Variants in KCNT2 observed in about 807,000 individuals in gnomAD.
KCNT2 encodes potassium channel subfamily T member 2.
Under a neutral mutation model 153.8 loss-of-function variants are expected in KCNT2, and 67 were observed. The ratio of observed to expected loss-of-function variants is 0.44; its 90% confidence interval spans 0.36 to 0.53. The LOEUF (loss-of-function observed/expected upper bound fraction) is 0.53, where lower values mean the gene tolerates loss of function less well. Ranked by LOEUF, KCNT2 falls within the 20% of genes least tolerant of loss-of-function variation. The probability of loss-of-function intolerance (pLI) is 0.00; values close to 1 mark genes in which losing one functional copy is unlikely to be tolerated. For synonymous variants in KCNT2, 500 were observed against 458.8 expected, an observed-to-expected ratio of 1.09 and a Z score of -1.15; for missense variants, 975 against 1,354.8, an observed-to-expected ratio of 0.72 and a Z score of 4.40.
chr1:196,384,547 A>T (rs1009678274), intron 13 of KCNT2, among the ~76,000 whole-genome samples: 3 of 152,152 alleles, frequency 2.0e-5, no homozygotes, highest in East Asian at 1.9e-4. Context: ...AAAATAAAAA[A>T]TTAGCTGGGC....
intron 22 of KCNT2, among the ~76,000 whole-genome samples, chr1:196,290,418 A>C (rs1234585303): frequency 6.6e-6 from 1 of 151,982 alleles, no homozygotes; most frequent in Non-Finnish European, 1.5e-5. Context: ...AGTTAAACTC[A>C]TCTTCCTTGT....
Position 196,479,238 on chromosome 1 carries a change from C to A in KCNT2, c.325G>T (p.Val109Phe), listed in dbSNP as rs1225452786. Residue 109 changes from valine to phenylalanine, a missense_variant and splice_region_variant, in exon 5 of 28, where the codon GTT (valine) becomes TTT (phenylalanine). Coordinates refer to ENST00000294725, the MANE Select transcript of KCNT2 (RefSeq NM_198503.5). ...AACAGACTTATCAATGCCACTGAAA[C>A]CTGAAAGATAAATTGTAACTTAATG... ...NRSLPLWGLQVSVALISLFET... is the reference protein window; with the variant it reads ...NRSLPLWGLQFSVALISLFET... 2 of 1,551,682 alleles carry A rather than the reference C, an allele frequency of 1.3e-6. No homozygotes were observed. Among genetic ancestry groups the A allele is most frequent in the Non-Finnish European group, 1.8e-6 (2 of 1,130,398 alleles).
chr1:196,469,883 G>A (rs1252045963), intron 5 of KCNT2, among the ~76,000 whole-genome samples: 1 of 152,094 alleles, frequency 6.6e-6, no homozygotes, highest in Non-Finnish European at 1.5e-5. Flanking sequence ...TATTAGAAAG[G>A]CAATTTGAAA....
At chr1:196,342,299 G>A in intron 14 of KCNT2, 71 bp from the exon 15 acceptor site, 4 of 1,340,854 alleles carry the variant, frequency 3.0e-6, no homozygotes, top group Non-Finnish European at 4.1e-6. Context: ...AAAAACAGTT[G>A]TTATAGAACT....
rs755205887 is a variant in KCNT2, at chr1:196,331,133, A to C, written c.2103+23T>G. ...ATGCTATAATTTTATTTTGTAAACAAAAAAGCATCAACAAGTACTTACCTT... is the reference window on the plus strand; with the variant it reads ...ATGCTATAATTTTATTTTGTAAACACAAAAGCATCAACAAGTACTTACCTT... On this transcript the variant is annotated intron_variant, in intron 18 of 27. Coordinates refer to ENST00000294725, the MANE Select transcript of KCNT2 (RefSeq NM_198503.5). 1.2e-5 allele frequency: 15 copies of C among 1,233,930 alleles called. No individual in the cohort carries two copies. In the South Asian group the frequency reaches 1.4e-4, roughly 11 times the overall value. The allele number at this position is 1,233,930 out of a possible 1,614,324, so 76.4% of individuals were successfully genotyped here. A position where few individuals can be genotyped will look rare whatever the true frequency, so the allele number is the denominator to read the frequency against.
chr1:196,248,111 A>C (rs1474664544), intron 26 of KCNT2, among the ~76,000 whole-genome samples: 1 of 150,942 alleles, frequency 6.6e-6, no homozygotes, highest in East Asian at 1.9e-4. Flanking sequence ...AGTAATGGAA[A>C]CACAACATAC....
chr1:196,515,373 G>A (rs1681964099), intron 1 of KCNT2, among the ~76,000 whole-genome samples: 1 of 152,176 alleles, frequency 6.6e-6, no homozygotes, highest in Non-Finnish European at 1.5e-5. Flanking sequence ...ATGATAAACT[G>A]TGAAGACTAT....
rs552577377 is a variant in KCNT2, at chr1:196,525,215, C to T, written c.96-32874G>A. ...ATTTTCACAGTTATTTGTAGATTTA[C>T]GTAAAGCAAATAAAAAAAAAAATCA... On this transcript the variant is annotated intron_variant, in intron 1 of 27. Transcript: ENST00000294725. 5.9e-5 allele frequency among the ~76,000 whole-genome samples: 9 copies of T among 151,698 alleles called. No individual in the cohort carries two copies. The East Asian group carries it at 7.8e-4, about 13-fold the overall frequency.
chr1:196,546,344 T>C (rs1384277451), intron 1 of KCNT2, among the ~76,000 whole-genome samples: 4 of 152,136 alleles, frequency 2.6e-5, no homozygotes, highest in African/African-American at 9.7e-5. Flanking sequence ...CATTTGTCTC[T>C]AGCACAGTGG....
chr1:196,297,376 A>G (rs1049097862), intron 22 of KCNT2, among the ~76,000 whole-genome samples: 2 of 152,132 alleles, frequency 1.3e-5, no homozygotes, highest in African/African-American at 4.8e-5. Context: ...TCCTCTTCAC[A>G]ATAGACACAT....
At chr1:196,438,084 G>T (rs1320882599) in intron 8 of KCNT2, among the ~76,000 whole-genome samples, 1 of 151,446 alleles carries the variant, frequency 6.6e-6, no homozygotes, top group African/African-American at 2.4e-5. Flanking sequence ...CTTCCCATTG[G>T]CTATAATGAG....
chr1:196,489,687 T>C (rs1679711752), intron 3 of KCNT2, 151 bp downstream of exon 3: 5 of 517,218 alleles, frequency 9.7e-6, no homozygotes, highest in Non-Finnish European at 1.0e-5. Flanking sequence ...AAGAATTATG[T>C]AGTGCCTGTA....
chr1:196,276,976 G>A (rs934907030), intron 25 of KCNT2, among the ~76,000 whole-genome samples: 1 of 152,038 alleles, frequency 6.6e-6, no homozygotes, highest in African/African-American at 2.4e-5. Flanking sequence ...TGGACACATG[G>A]TAACCCTTAC....
At chr1:196,483,950 T>G (rs1487611957) in intron 3 of KCNT2, among the ~76,000 whole-genome samples, 2 of 152,160 alleles carry the variant, frequency 1.3e-5, no homozygotes, top group Non-Finnish European at 2.9e-5. Flanking sequence ...ATTATCACTG[T>G]CTTTTCTAAA....
At chr1:196,356,175 G>A (rs1667158372) in intron 14 of KCNT2, among the ~76,000 whole-genome samples, 1 of 151,644 alleles carries the variant, frequency 6.6e-6, no homozygotes, top group Non-Finnish European at 1.5e-5. Flanking sequence ...TTCTTCTCAA[G>A]TAATTAATTC....
intron 26 of KCNT2, among the ~76,000 whole-genome samples, chr1:196,251,153 C>T (rs1655932415): frequency 6.6e-6 from 1 of 152,052 alleles, no homozygotes; most frequent in South Asian, 2.1e-4. Flanking sequence ...TATCTGCACT[C>T]CCATGTTTAT....
chr1:196,309,572 T>C (rs1021336071), intron 21 of KCNT2, among the ~76,000 whole-genome samples: 3 of 151,912 alleles, frequency 2.0e-5, no homozygotes, highest in Admixed American at 1.3e-4. Context: ...AAACTGAAAG[T>C]ATTAGCTAAG....
At chr1:196,510,694 C>T (rs376081319) in intron 1 of KCNT2, among the ~76,000 whole-genome samples, 2 of 152,252 alleles carry the variant, frequency 1.3e-5, no homozygotes, top group African/African-American at 4.8e-5. Context: ...AAATGTGGCA[C>T]CCAGATTCTC....
chr1:196,559,987 A>G (rs1202744424), intron 1 of KCNT2, among the ~76,000 whole-genome samples: 2 of 151,874 alleles, frequency 1.3e-5, no homozygotes, highest in Non-Finnish European at 2.9e-5. Flanking sequence ...GGTTTTCTCC[A>G]TTCAGATGTT....
Sources: allele counts gnomAD v4.1 joint callset (sites outside exome capture counted in the v4.1 genomes callset), GRCh38; gene constraint gnomAD v4.1.1; transcripts MANE v1.5; gene names NCBI Gene and HGNC (gene_info 2026-07-23, HGNC 2026-07-21).